ADGRV1: variants seen among roughly 807,000 people sequenced by gnomAD.
The protein encoded by ADGRV1 is adhesion G protein-coupled receptor V1, also known as G-protein coupled receptor 98.
In ADGRV1, 359 loss-of-function variants were observed where a neutral mutation model predicts 596.2. That is an observed-to-expected ratio of 0.60 (90% CI 0.55 to 0.66). The LOEUF is 0.66. Ranked by LOEUF, ADGRV1 falls within the 30% of genes least tolerant of loss-of-function variation. The pLI, the probability that ADGRV1 is intolerant of heterozygous loss-of-function variation, is 0.00. For missense variants in ADGRV1, 7,274 were observed against 7,575.6 expected (o/e 0.96, Z 1.48); for synonymous variants, 2,681 against 2,679.2 (o/e 1.00, Z -0.02).
chr5:91,162,676 G>A lies in ADGRV1; in HGVS notation c.18803-1106G>A, dbSNP rs574655196. The stretch of plus-strand genomic sequence containing the variant: ...AGAGAGGAAGTGGAGTTTCAACAGC[G>A]GCCTTTAACAGAGAGAGTGCGAAGG... On this transcript the variant is annotated intron_variant, in intron 89 of 89. Coordinates refer to ENST00000405460, the MANE Select transcript of ADGRV1 (RefSeq NM_032119.4). Among the ~76,000 whole-genome samples the A allele has an allele frequency of 2.6e-5, 4 of 152,276 alleles. No homozygotes were observed. The South Asian group carries it at 8.3e-4, about 32-fold the overall frequency.
At chr5:90,830,924 C>T (rs1317212275) in intron 77 of ADGRV1, among the ~76,000 whole-genome samples, 1 of 152,122 alleles carries the variant, frequency 6.6e-6, no homozygotes, top group African/African-American at 2.4e-5. Flanking sequence ...AAAAGCCTGG[C>T]CCTCCTTTAA....
rs1264363339 is a variant in ADGRV1, at chr5:90,783,797, A to G, written c.13434-41A>G. The G allele has an allele frequency of 2.8e-6, 4 of 1,430,734 alleles. No individual in the cohort carries two copies. The African/African-American group carries it at 5.7e-5, about 20-fold the overall frequency. 88.6% of individuals were successfully genotyped at this position (1,430,734 alleles called of 1,614,324 possible). A position where few individuals can be genotyped will look rare whatever the true frequency, so the allele number is the denominator to read the frequency against. ...TTATTGGGATTTTACAAGCACTTTAATATGTTTAGACTCACAGAATTGCTC... is the reference window on the plus strand; with the variant it reads ...TTATTGGGATTTTACAAGCACTTTAGTATGTTTAGACTCACAGAATTGCTC... On this transcript the variant is annotated intron_variant, in intron 66 of 89. Coordinates refer to ENST00000405460, the MANE Select transcript of ADGRV1 (RefSeq NM_032119.4).
At chr5:90,997,343 G>A (rs1333511928) in intron 85 of ADGRV1, among the ~76,000 whole-genome samples, 1 of 151,176 alleles carries the variant, frequency 6.6e-6, no homozygotes, top group Admixed American at 6.6e-5. Flanking sequence ...AGATCTGGTT[G>A]TTTGCAAGTA....
intron 80 of ADGRV1, 100 bp downstream of exon 80, chr5:90,853,633 C>T (rs1459776008): frequency 9.1e-7 from 1 of 1,096,356 alleles, no homozygotes; most frequent in Non-Finnish European, 1.3e-6. Context: ...TTGGTAAGTG[C>T]TACACATGGT....
chr5:91,075,106 T>G (rs540258128), intron 86 of ADGRV1, among the ~76,000 whole-genome samples: 52 of 152,304 alleles, frequency 3.4e-4, no homozygotes, highest in African/African-American at 1.1e-3. Context: ...GCGCATAGTT[T>G]GCAAAAATTT....
chr5:91,040,267 A>G (rs1484899023), intron 85 of ADGRV1, among the ~76,000 whole-genome samples: 1 of 152,186 alleles, frequency 6.6e-6, no homozygotes, highest in Non-Finnish European at 1.5e-5. Context: ...AATATTTTTA[A>G]CTTGGAATTA....
intron 79 of ADGRV1, among the ~76,000 whole-genome samples, chr5:90,852,765 C>T (rs1766655162): frequency 6.6e-6 from 1 of 152,180 alleles, no homozygotes; most frequent in South Asian, 2.1e-4. Flanking sequence ...CTGTTCAGTG[C>T]TGTTTCTCTT....
At position 90,619,073 on chromosome 5, in the gene ADGRV1, G is replaced by C. The variant is rs1031898067; in HGVS notation, c.358-13G>C. ...TTTTAATTCATTATTTTATTTTTGG[G>C]ATTTTATTTTAGAAACCTTCAGCAA... On this transcript the variant is annotated splice_polypyrimidine_tract_variant and intron_variant, in intron 3 of 89. Coordinates refer to ENST00000405460, the MANE Select transcript of ADGRV1 (RefSeq NM_032119.4). 2.4e-6 allele frequency: 3 copies of C among 1,253,384 alleles called. No homozygotes were observed. The highest frequency in any genetic ancestry group is 3.2e-6 in the Non-Finnish European group (3 of 928,002). 77.6% of individuals were successfully genotyped at this position (1,253,384 alleles called of 1,614,324 possible).
At chr5:91,139,174 G>T (rs909790456) in intron 87 of ADGRV1, among the ~76,000 whole-genome samples, 2 of 152,100 alleles carry the variant, frequency 1.3e-5, no homozygotes, top group Non-Finnish European at 2.9e-5. Context: ...GAGTCTACGT[G>T]GACTATATCA....
At chr5:90,675,617 G>C (rs576678548) in intron 24 of ADGRV1, among the ~76,000 whole-genome samples, 172 bp downstream of exon 24, 1 of 151,876 alleles carries the variant, frequency 6.6e-6, no homozygotes, top group Non-Finnish European at 1.5e-5. Context: ...GGGCAACGTC[G>C]CAAGTCACTT....
Position 90,712,348 on chromosome 5 carries a change from A to G in ADGRV1, c.9104A>G (p.Asp3035Gly). The part of the protein sequence containing the change: ...KNVNIMILDD[D>G]IPEGDEKFQL... ...GTCAATATCATGATTCTTGATGATG[A>G]CATTCCAGAAGGAGATGAAAAATTT... Residue 3035 changes from aspartate (D) to glycine (G), a missense_variant, in exon 42 of 90, where the codon GAC becomes GGC. Transcript: ENST00000405460. The G allele has an allele frequency of 1.3e-6, 2 of 1,566,990 alleles. No homozygotes were observed. The highest frequency in any genetic ancestry group is 1.7e-6 in the Non-Finnish European group (2 of 1,150,732).
chr5:90,604,539 A>G (rs1177399181), intron 1 of ADGRV1, among the ~76,000 whole-genome samples: 1 of 152,184 alleles, frequency 6.6e-6, no homozygotes, highest in Non-Finnish European at 1.5e-5. Flanking sequence ...GCTTTTCATG[A>G]CTTTTTAAGA....
At chr5:90,959,940 C>T (rs931674653) in intron 83 of ADGRV1, among the ~76,000 whole-genome samples, 2 of 151,992 alleles carry the variant, frequency 1.3e-5, no homozygotes, top group African/African-American at 4.8e-5. Context: ...GAGATCAAGA[C>T]CATCCTGGCT....
rs1056160616 is a variant in ADGRV1, at chr5:90,853,981, T to C, written c.17455-81T>C. Reference sequence around the variant, plus strand: ...CAAATGACTGTAGCTACTAGAAAAATGAAGTCAAGTTCAGGGTAAGAGACT... The same window carrying C: ...CAAATGACTGTAGCTACTAGAAAAACGAAGTCAAGTTCAGGGTAAGAGACT... On this transcript the variant is annotated intron_variant, in intron 80 of 89. Transcript: ENST00000405460. 4.8e-5 allele frequency: 48 copies of C among 999,282 alleles called. No homozygotes were observed. In the African/African-American group the frequency reaches 7.3e-4, roughly 15 times the overall value. 61.9% of individuals were successfully genotyped at this position (999,282 alleles called of 1,614,324 possible). A position where few individuals can be genotyped will look rare whatever the true frequency, so the allele number is the denominator to read the frequency against.
intron 85 of ADGRV1, among the ~76,000 whole-genome samples, chr5:91,067,272 TAG>T (rs1787964703): frequency 1.3e-5 from 2 of 151,168 alleles, no homozygotes; most frequent in African/African-American, 4.9e-5. Flanking sequence ...GCCTTCCGAG[TAG>T]CTGGGATTAA....
intron 50 of ADGRV1, among the ~76,000 whole-genome samples, chr5:90,738,600 T>C (rs534939487): frequency 1.1e-4 from 17 of 152,284 alleles, no homozygotes; most frequent in Admixed American, 1.3e-4. Context: ...AGAAGTTTTT[T>C]TCCCCTTCTT....
chr5:90,721,514 T>TA (rs1750947395), intron 45 of ADGRV1, among the ~76,000 whole-genome samples: 1 of 51,450 alleles, frequency 1.9e-5, no homozygotes, highest in Non-Finnish European at 3.1e-5. Context: ...AAAAATAAAA[T>TA]AAAATAAAAT....
intron 87 of ADGRV1, among the ~76,000 whole-genome samples, chr5:91,111,230 GCT>G (rs1792341714): frequency 6.6e-6 from 1 of 151,714 alleles, no homozygotes; most frequent in Non-Finnish European, 1.5e-5. Context: ...TCTCTCACTC[GCT>G]CTCTTACTCT....
intron 85 of ADGRV1, among the ~76,000 whole-genome samples, chr5:91,057,637 C>G (rs183909842): frequency 3.2e-4 from 49 of 152,266 alleles, no homozygotes; most frequent in African/African-American, 1.1e-3. Context: ...ACAGGAACAT[C>G]CTGTTGACAA....
Sources: gnomAD v4.1 joint callset for allele counts (sites outside exome capture counted in the v4.1 genomes callset) on GRCh38, gnomAD v4.1.1 for gene constraint, MANE v1.5 for transcripts, NCBI Gene and HGNC (gene_info 2026-07-23, HGNC 2026-07-21) for gene names.